The following BMP5 variants were observed in gnomAD, a reference collection of about 807,000 sequenced individuals.
The protein encoded by BMP5 is bone morphogenetic protein 5.
BMP5 carries 23 observed loss-of-function variants against 46.6 expected under a neutral mutation model. That is an observed-to-expected ratio of 0.49 (90% CI 0.35 to 0.70). The LOEUF is 0.70. Among genes scored for constraint, BMP5 ranks in the 30% least tolerant of loss-of-function variants. The pLI, the probability that BMP5 is intolerant of heterozygous loss-of-function variation, is 0.00. For synonymous variants in BMP5, 204 were observed against 191.9 expected (o/e 1.06, Z -0.52); for missense variants, 545 against 565.6 (o/e 0.96, Z 0.37).
At chr6:55,833,787 C>A (rs1329032747) in intron 1 of BMP5, among the ~76,000 whole-genome samples, 2 of 152,078 alleles carry the variant, frequency 1.3e-5, no homozygotes, top group Admixed American at 1.3e-4. Context: ...TTTCTTCTTA[C>A]CCAAAATCAT....
chr6:55,813,611 C>A lies in BMP5; in HGVS notation c.683+6044G>T, dbSNP rs192541209. ...GAAACCATCCTGGCTAACGGTGAAA[C>A]CCCGTCTCTACTAAAAATACAAAAA... On this transcript the variant is annotated intron_variant, in intron 2 of 6. Coordinates refer to ENST00000370830, the MANE Select transcript of BMP5 (RefSeq NM_021073.4). Among the ~76,000 whole-genome samples the A allele has an allele frequency of 4.9e-3, 746 of 151,942 alleles. 8 individuals carry two copies. Among genetic ancestry groups the A allele is most frequent in the Middle Eastern group, 0.014 (4 of 292 alleles).
At position 55,874,475 on chromosome 6, in the gene BMP5, G is replaced by A. The variant is rs770622652; in HGVS notation, c.391C>T (p.Arg131Trp). 1.1e-5 allele frequency: 17 copies of A among 1,613,270 alleles called. No homozygotes were observed. The Admixed American group carries it at 1.3e-4, about 13-fold the overall frequency. ...CTCTGGGTGGTCAGAGGAGTCGTCC[G>A]AGATAACTGTATGCGACGAGGATAC... Reference protein sequence around the residue: ...NGYPRRIQLSRTTPLTTQSPP... With the variant: ...NGYPRRIQLSWTTPLTTQSPP... Residue 131 changes from arginine (R) to tryptophan (W), a missense_variant, in exon 1 of 7, where the codon CGG becomes TGG. Physicochemically the swap from Arg to Trp is moderately radical, Grantham distance 101. Transcript: ENST00000370830.
At chr6:55,775,686 G>A in intron 3 of BMP5, among the ~76,000 whole-genome samples, 1 of 151,814 alleles carries the variant, frequency 6.6e-6, no homozygotes. Flanking sequence ...TATAAAACCT[G>A]ACCCACCTTA....
intron 4 of BMP5, among the ~76,000 whole-genome samples, chr6:55,762,302 T>A (rs2127516523): frequency 6.6e-6 from 1 of 152,266 alleles, no homozygotes; most frequent in Non-Finnish European, 1.5e-5. Flanking sequence ...TCCTGTTTAA[T>A]TACTCTCAAC....
chr6:55,864,697 A>T (rs930515134), intron 1 of BMP5, among the ~76,000 whole-genome samples: 2 of 152,156 alleles, frequency 1.3e-5, no homozygotes, highest in African/African-American at 4.8e-5. Context: ...CAATAAATCT[A>T]TGTTTTCCCA....
chr6:55,842,094 T>A (rs10807505), intron 1 of BMP5, among the ~76,000 whole-genome samples: 65,717 of 151,998 alleles, frequency 0.43, 14,683 homozygotes, highest in African/African-American at 0.54. Context: ...TTATGAATGA[T>A]ATGTTGCAGA....
chr6:55,808,691 C>T (rs915600345), intron 2 of BMP5, among the ~76,000 whole-genome samples: 1 of 152,182 alleles, frequency 6.6e-6, no homozygotes, highest in Non-Finnish European at 1.5e-5. Flanking sequence ...GCTCACTCAC[C>T]ACCTCCCTTG....
At chr6:55,872,673 T>C (rs1027585062) in intron 1 of BMP5, among the ~76,000 whole-genome samples, 8 of 151,796 alleles carry the variant, frequency 5.3e-5, no homozygotes, top group African/African-American at 1.9e-4. Context: ...TAATAAAATA[T>C]ATTATGACAT....
intron 2 of BMP5, among the ~76,000 whole-genome samples, chr6:55,810,075 G>C (rs996500820): frequency 2.6e-5 from 4 of 152,004 alleles, no homozygotes; most frequent in Non-Finnish European, 4.4e-5. Flanking sequence ...GTAAATTCTA[G>C]AGTTTATAAG....
At chr6:55,773,782 G>C (rs1775102187) in intron 4 of BMP5, among the ~76,000 whole-genome samples, 1 of 151,766 alleles carries the variant, frequency 6.6e-6, no homozygotes, top group African/African-American at 2.4e-5. Flanking sequence ...AGATTGTGTT[G>C]ATTAGCCATT....
Position 55,755,419 on chromosome 6 carries a change from T to G in BMP5, c.*114A>C. On this transcript the variant is annotated 3_prime_UTR_variant, in exon 7 of 7. Transcript: ENST00000370830. ...CATGATATTGTACATAGGAAAAGAG[T>G]CAAAATGAGCCAGACTAATTTTAGG... is the stretch of plus-strand genomic sequence containing the variant. 1.0e-6 allele frequency: 1 copy of G among 1,004,210 alleles called. No individual in the cohort carries two copies. Among genetic ancestry groups the G allele is most frequent in the Non-Finnish European group, 1.5e-6 (1 of 662,110 alleles). 62.2% of individuals were successfully genotyped at this position (1,004,210 alleles called of 1,614,324 possible).
chr6:55,875,023 G>A lies in BMP5; in HGVS notation c.-158C>T, dbSNP rs938852636. The stretch of plus-strand genomic sequence containing the variant: ...CATTTCTGAGCACAACATCCTCACC[G>A]ATTTTCCTGTCCTATTTTAAATATT... On this transcript the variant is annotated 5_prime_UTR_variant, in exon 1 of 7. Coordinates refer to ENST00000370830, the MANE Select transcript of BMP5 (RefSeq NM_021073.4). 2 of 766,066 alleles carry A rather than the reference G, an allele frequency of 2.6e-6. No individual in the cohort carries two copies. Among genetic ancestry groups the A allele is most frequent in the Non-Finnish European group, 4.2e-6 (2 of 478,548 alleles). The allele number at this position is 766,066 out of a possible 1,614,324, so 47.5% of individuals were successfully genotyped here.
intron 1 of BMP5, among the ~76,000 whole-genome samples, chr6:55,830,279 A>T (rs1196111758): frequency 6.6e-6 from 1 of 152,126 alleles, no homozygotes; most frequent in Non-Finnish European, 1.5e-5. Flanking sequence ...TGATCTTCCT[A>T]CATTTTATTG....
At chr6:55,850,612 G>A (rs777299131) in intron 1 of BMP5, among the ~76,000 whole-genome samples, 1 of 152,074 alleles carries the variant, frequency 6.6e-6, no homozygotes. Context: ...TCTACCTTCT[G>A]CCTCCTCACA....
At chr6:55,757,710 C>A (rs1335844744) in intron 6 of BMP5, among the ~76,000 whole-genome samples, 1 of 151,802 alleles carries the variant, frequency 6.6e-6, no homozygotes, top group Non-Finnish European at 1.5e-5. Context: ...TCTCACTGGT[C>A]ATGAATCAAT....
intron 4 of BMP5, among the ~76,000 whole-genome samples, chr6:55,771,359 A>G (rs1775042427): frequency 6.6e-6 from 1 of 151,864 alleles, no homozygotes; most frequent in African/African-American, 2.4e-5. Context: ...GCACTGCCTC[A>G]ACATGAAACA....
At chr6:55,829,084 TA>T (rs1401912456) in intron 1 of BMP5, among the ~76,000 whole-genome samples, 11 of 151,852 alleles carry the variant, frequency 7.2e-5, no homozygotes, top group African/African-American at 2.7e-4. Flanking sequence ...ACTATAAGAA[TA>T]TATTACATAT....
intron 2 of BMP5, among the ~76,000 whole-genome samples, chr6:55,805,406 G>A (rs2127533071): frequency 6.6e-6 from 1 of 152,158 alleles, no homozygotes; most frequent in Non-Finnish European, 1.5e-5. Context: ...CCCTTGACCA[G>A]ATTCATCCAT....
At position 55,875,458 on chromosome 6, in the gene BMP5, A is replaced by C. The variant is rs948297787; in HGVS notation, c.-593T>G. ...ATAATACTCTAGGTTGTACTATTCA[A>C]GTAAATGTGTTTCCCTGAATTTACT... On this transcript the variant is annotated 5_prime_UTR_variant, in exon 1 of 7. Transcript: ENST00000370830. The C allele has an allele frequency of 1.9e-5, 3 of 154,248 alleles. No individual in the cohort carries two copies. The highest frequency in any genetic ancestry group is 7.2e-5 in the African/African-American group (3 of 41,440). 9.6% of individuals were successfully genotyped at this position (154,248 alleles called of 1,614,324 possible).
Sources: gnomAD v4.1 joint callset for allele counts (sites outside exome capture counted in the v4.1 genomes callset) on GRCh38, gnomAD v4.1.1 for gene constraint, MANE v1.5 for transcripts, NCBI Gene and HGNC (gene_info 2026-07-23, HGNC 2026-07-21) for gene names.